Variants in SPAG5 observed in about 807,000 individuals in gnomAD.
SPAG5 encodes the protein sperm-associated antigen 5.
In SPAG5, 99 loss-of-function variants were observed where a neutral mutation model predicts 145.4. That is an observed-to-expected ratio of 0.68 (90% CI 0.58 to 0.80). The LOEUF (loss-of-function observed/expected upper bound fraction) is 0.80, where lower values mean the gene tolerates loss of function less well. SPAG5 is among the 30% of genes least tolerant of loss of function. The pLI is 0.00. For missense variants in SPAG5, 1,192 were observed against 1,416.0 expected, an observed-to-expected ratio of 0.84 and a Z score of 2.54; for synonymous variants, 477 against 525.4, an observed-to-expected ratio of 0.91 and a Z score of 1.26.
At chr17:28,596,533 T>C (rs576091128) in intron 2 of SPAG5, among the ~76,000 whole-genome samples, 132 of 151,324 alleles carry the variant, frequency 8.7e-4, no homozygotes, top group African/African-American at 3.1e-3. Context: ...CCAGGCATGG[T>C]GGCACGTGCC....
intron 2 of SPAG5, 29 bp from the exon 3 acceptor site, chr17:28,593,095 A>G: frequency 6.2e-7 from 1 of 1,602,572 alleles, no homozygotes; most frequent in Non-Finnish European, 8.5e-7. Context: ...GTAGTTGTCT[A>G]AGGCAGTCAA....
chr17:28,580,112 T>C lies in SPAG5; in HGVS notation c.2694A>G (p.Gln898=). 1 of 1,612,958 alleles carries C rather than the reference T, an allele frequency of 6.2e-7. No individual in the cohort carries two copies. Among genetic ancestry groups the C allele is most frequent in the Non-Finnish European group, 8.5e-7 (1 of 1,179,150 alleles). ...LQTKLKEKTE[Q]ETLLLSTACP... ...AGGCTGTACTCAGCAGAAGGGTCTC[T>C]TGTTCAGTCTAAGGGCAAAGAAGAA... The change falls in exon 16 of 24, where the codon CAA becomes CAG. Residue 898 remains glutamine, a synonymous_variant. Transcript: ENST00000321765.
chr17:28,579,054 C>T, intron 19 of SPAG5, 87 bp downstream of exon 19: 2 of 1,166,096 alleles, frequency 1.7e-6, no homozygotes, highest in Admixed American at 2.2e-5. Context: ...TCCCCACCAC[C>T]CAGATTCCTG....
At chr17:28,579,009 C>A (rs1016950824) in intron 19 of SPAG5, 132 bp downstream of exon 19, 9 of 782,500 alleles carry the variant, frequency 1.2e-5, no homozygotes, top group Non-Finnish European at 1.9e-5. Context: ...ATGTCTGACC[C>A]CAGGAAGGGC....
At chr17:28,595,293 G>A (rs556003570) in intron 2 of SPAG5, among the ~76,000 whole-genome samples, 4 of 149,918 alleles carry the variant, frequency 2.7e-5, no homozygotes, top group African/African-American at 9.8e-5. Context: ...AAAGATGAGT[G>A]TGTGTGTGTG....
chr17:28,579,989 C>A lies in SPAG5; in HGVS notation c.2797+20G>T. The stretch of plus-strand genomic sequence containing the variant: ...AGCAGCGTCACAACTTTCCCACCCC[C>A]AAATCCCAGGGCCTTTAACCTTCAT... On this transcript the variant is annotated intron_variant, in intron 16 of 23. Coordinates refer to ENST00000321765, the MANE Select transcript of SPAG5 (RefSeq NM_006461.4). 6.3e-7 allele frequency: 1 copy of A among 1,598,562 alleles called. No individual in the cohort carries two copies. Among genetic ancestry groups the A allele is most frequent in the Non-Finnish European group, 8.6e-7 (1 of 1,167,228 alleles).
chr17:28,581,124 A>G (rs2070546749), intron 15 of SPAG5, among the ~76,000 whole-genome samples: 1 of 152,248 alleles, frequency 6.6e-6, no homozygotes, highest in Admixed American at 6.5e-5. Flanking sequence ...TTTTGTAAAT[A>G]AAGTTTTATT....
intron 15 of SPAG5, chr17:28,582,945 G>T (rs1008254): frequency 1.3e-5 from 2 of 152,234 alleles, no homozygotes; most frequent in African/African-American, 4.8e-5. Context: ...ACAGTTCAAA[G>T]AAGGTAAACC....
chr17:28,578,585 G>T, intron 20 of SPAG5, 57 bp from the exon 21 acceptor site: 1 of 1,609,150 alleles, frequency 6.2e-7, no homozygotes, highest in South Asian at 1.1e-5. Flanking sequence ...AACATGTGGT[G>T]AACAAAAGCA....
rs147713877 is a variant in SPAG5, at chr17:28,594,055, C to T, written c.178-989G>A. On this transcript the variant is annotated intron_variant, in intron 2 of 23. Transcript: ENST00000321765. ...AGAATTAGAAGATAAACCCAGGATA[C>T]CTAACAGTTAAATAAAAGAAATTCC... Among the ~76,000 whole-genome samples the T allele has an allele frequency of 1.4e-3, 207 of 151,944 alleles. 1 individual carries two copies. The highest frequency in any genetic ancestry group is 0.01 in the Middle Eastern group (3 of 294).
intron 4 of SPAG5, among the ~76,000 whole-genome samples, chr17:28,587,711 T>C: frequency 8.7e-6 from 1 of 114,760 alleles, no homozygotes; most frequent in South Asian, 3.0e-4. Flanking sequence ...GAGTGAGACC[T>C]CGTCTCAAAA....
rs769484610 is a variant in SPAG5 at position 28,579,494 on chromosome 17, G to GA, written c.2885-10dup. 2.3e-4 allele frequency: 377 copies of GA among 1,613,008 alleles called. No individual in the cohort carries two copies. The highest frequency in any genetic ancestry group is 3.3e-4 in the Middle Eastern group (2 of 6,068). ...CTCCATGCCTGGGGTCTCTGAAAGA[G>GA]AAAGTCCCAGATAGAGGTCTAGCCT... On this transcript the variant is annotated splice_polypyrimidine_tract_variant and intron_variant, in intron 17 of 23. Transcript: ENST00000321765.
At chr17:28,583,442 G>A in intron 15 of SPAG5, 69 bp downstream of exon 15, 3 of 1,471,788 alleles carry the variant, frequency 2.0e-6, no homozygotes, top group African/African-American at 2.8e-5. Flanking sequence ...AAAGAGTAAT[G>A]TTTTAGGAAG....
rs910929324 is a variant in SPAG5, at chr17:28,598,513, C to T, written c.174G>A (p.Leu58=). Residue 58 remains leucine (L), a synonymous_variant, in exon 2 of 24, where the codon CTG becomes CTA. Coordinates refer to ENST00000321765, the MANE Select transcript of SPAG5 (RefSeq NM_006461.4). ...AAGCTGTCCAGGCGAATCTCACCTG[C>T]AGCCCCAGCTTGCACAGTGATGGGG... is the stretch of plus-strand genomic sequence containing the variant. ...SLTPSLCKLG[L]QEGSNNSSPV... is the part of the protein sequence containing the mutation. 1 of 1,613,410 alleles carries T rather than the reference C, an allele frequency of 6.2e-7. No homozygotes were observed. Among genetic ancestry groups the T allele is most frequent in the Non-Finnish European group, 8.5e-7 (1 of 1,179,866 alleles).
intron 14 of SPAG5, 56 bp from the exon 15 acceptor site, chr17:28,583,705 T>G (rs930733411): frequency 6.4e-7 from 1 of 1,557,656 alleles, no homozygotes; most frequent in African/African-American, 1.4e-5. Flanking sequence ...TCTGAACGCC[T>G]ATCCCAAATC....
At position 28,584,732 on chromosome 17, in the gene SPAG5, A is replaced by G. The variant is rs1190542198; in HGVS notation, c.2081T>C (p.Leu694Pro). The G allele has an allele frequency of 6.2e-7, 1 of 1,613,534 alleles. No individual in the cohort carries two copies. Among genetic ancestry groups the G allele is most frequent in the African/African-American group, 1.3e-5 (1 of 74,930 alleles). ...CTCTAACTGGGCAGAGACTTGTTCC[A>G]GCACCCTAGAAACCTAGGAAGAACA... ...IEEKQEVSRV[L>P]EQVSAQLEEC... Residue 694 changes from leucine to proline, a missense_variant, in exon 11 of 24, where the codon CTG becomes CCG. Coordinates refer to ENST00000321765, the MANE Select transcript of SPAG5 (RefSeq NM_006461.4).
At chr17:28,586,874 A>T (rs1316963050) in intron 4 of SPAG5, among the ~76,000 whole-genome samples, 3 of 152,146 alleles carry the variant, frequency 2.0e-5, no homozygotes, top group Admixed American at 1.3e-4. Flanking sequence ...CCAGCACCTC[A>T]TTCTTCCTCC....
rs2070580568 is a variant in SPAG5, at chr17:28,585,726, C to T, written c.1741-73G>A. On this transcript the variant is annotated intron_variant, in intron 7 of 23. Transcript: ENST00000321765. ...AGCACAAAAAGATGTAACCATGACACCTCAATAGATCAGTTCTTTACTGCC... is the reference window on the plus strand; with the variant it reads ...AGCACAAAAAGATGTAACCATGACATCTCAATAGATCAGTTCTTTACTGCC... 4 of 1,609,556 alleles carry T rather than the reference C, an allele frequency of 2.5e-6. No homozygotes were observed. The South Asian group carries it at 4.4e-5, about 18-fold the overall frequency.
In SPAG5 at chr17:28,578,279, C is replaced by G. The variant is rs781556156; in HGVS notation, c.3368G>C (p.Arg1123Thr). The G allele has an allele frequency of 3.1e-6, 5 of 1,614,056 alleles. No homozygotes were observed. Residue 1123 changes from arginine to threonine, a missense_variant, in exon 22 of 24, where the codon AGA (arginine) becomes ACA (threonine). Arg to Thr is a moderately conservative substitution (Grantham distance 71). This residue lies in a region of SPAG5 where 709 missense variants were observed against 840.7 expected (regional missense o/e 0.84). Transcript: ENST00000321765. Reference protein sequence around the residue: ...VWLSQEVDKLRVMFLEMKNEK... With the variant: ...VWLSQEVDKLTVMFLEMKNEK... The stretch of plus-strand genomic sequence containing the variant: ...ATTTTTCATCTCCAGGAACATCACT[C>G]TCAGTTTGTCCACCTAGAAATATGT...
Sources: gnomAD v4.1 joint callset for allele counts (sites outside exome capture counted in the v4.1 genomes callset) on GRCh38, gnomAD v4.1.1 for gene constraint, gnomAD v4.1.1 regional missense constraint, MANE v1.5 for transcripts, NCBI Gene and HGNC (gene_info 2026-07-23, HGNC 2026-07-21) for gene names.